The following SCAPER variants were observed in gnomAD, a reference collection of about 807,000 sequenced individuals.
SCAPER encodes S phase cyclin A-associated protein in the endoplasmic reticulum.
In SCAPER, 98 loss-of-function variants were observed where a neutral mutation model predicts 182.2. That is an observed-to-expected ratio of 0.54 (90% CI 0.46 to 0.64). The LOEUF is 0.64. Among genes scored for constraint, SCAPER ranks in the 30% least tolerant of loss-of-function variants. SCAPER has a pLI of 0.00. For missense variants in SCAPER, 1,432 were observed against 1,690.0 expected, an observed-to-expected ratio of 0.85 and a Z score of 2.68; for synonymous variants, 605 against 564.6, an observed-to-expected ratio of 1.07 and a Z score of -1.01.
intron 7 of SCAPER, among the ~76,000 whole-genome samples, chr15:76,799,087 G>A (rs527556333): frequency 1.3e-5 from 2 of 152,196 alleles, no homozygotes; most frequent in African/African-American, 4.8e-5. Flanking sequence ...ACTGTGTTGA[G>A]CTTGTAATAT....
intron 24 of SCAPER, among the ~76,000 whole-genome samples, chr15:76,487,492 CA>C (rs1051511123): frequency 2.6e-5 from 4 of 152,126 alleles, no homozygotes; most frequent in Non-Finnish European, 5.9e-5. Context: ...CTAGAAAAGG[CA>C]AAGAGTGAAC....
At chr15:76,718,783 T>C (rs1268648087) in intron 17 of SCAPER, among the ~76,000 whole-genome samples, 1 of 152,090 alleles carries the variant, frequency 6.6e-6, no homozygotes, top group Non-Finnish European at 1.5e-5. Flanking sequence ...GAAGTCATAG[T>C]CAGTAGATAT....
chr15:76,621,437 G>C (rs1370759273), intron 22 of SCAPER, among the ~76,000 whole-genome samples: 1 of 151,784 alleles, frequency 6.6e-6, no homozygotes, highest in African/African-American at 2.4e-5. Flanking sequence ...GTTAGAACAG[G>C]GATTCTCAAC....
chr15:76,560,228 T>C (rs533966110), intron 23 of SCAPER, among the ~76,000 whole-genome samples: 1 of 152,290 alleles, frequency 6.6e-6, no homozygotes, highest in African/African-American at 2.4e-5. Flanking sequence ...AGTACCCTTG[T>C]GAAGGAGGTT....
At chr15:76,808,676 A>G (rs2066369282) in intron 5 of SCAPER, among the ~76,000 whole-genome samples, 1 of 152,256 alleles carries the variant, frequency 6.6e-6, no homozygotes, top group South Asian at 2.1e-4. Context: ...TTCTGGGACC[A>G]TAAATGTGCA....
rs1471936013 is a variant in SCAPER, at chr15:76,841,782, A to T, written c.345T>A (p.Asp115Glu). ...FLFDNLRRAV[D>E]EIYVTCESDQ... ...CTGATTCGCAAGTTACATAGATTTCATCTACTGCTCGGCGAAGATTATCAA... is the reference window on the plus strand; with the variant it reads ...CTGATTCGCAAGTTACATAGATTTCTTCTACTGCTCGGCGAAGATTATCAA... The change falls in exon 5 of 32, where the codon GAT becomes GAA. Residue 115 changes from aspartate to glutamate, a missense_variant. This residue lies in a region of SCAPER where 480 missense variants were observed against 510.2 expected (regional missense o/e 0.94). Transcript: ENST00000563290. 6.2e-7 allele frequency: 1 copy of T among 1,613,806 alleles called. No individual in the cohort carries two copies. The highest frequency in any genetic ancestry group is 1.3e-5 in the African/African-American group (1 of 74,936).
chr15:76,427,213 C>T (rs892548122), intron 26 of SCAPER, among the ~76,000 whole-genome samples: 2 of 152,066 alleles, frequency 1.3e-5, no homozygotes, highest in African/African-American at 4.8e-5. Flanking sequence ...AAAAAATAGA[C>T]AAAGGGGATT....
chr15:76,651,256 G>A lies in SCAPER; in HGVS notation c.2645+14397C>T, dbSNP rs866682219. ...ATAAATTCTAGACCAGAGATCGGGG[G>A]GAACGAAGGAAGAAAAGACAAATTA... On this transcript the variant is annotated intron_variant, in intron 21 of 31. Transcript: ENST00000563290. Among the ~76,000 whole-genome samples, 21 of 152,072 alleles carry A rather than the reference G, an allele frequency of 1.4e-4. No homozygotes were observed. In the Middle Eastern group the frequency reaches 0.024, roughly 172 times the overall value.
intron 5 of SCAPER, among the ~76,000 whole-genome samples, chr15:76,822,266 G>T (rs1352632292): frequency 2.0e-5 from 3 of 152,060 alleles, no homozygotes; most frequent in African/African-American, 7.2e-5. Flanking sequence ...GGGGGCAGGG[G>T]TTATATGGAA....
chr15:76,713,800 A>G (rs996161314), intron 17 of SCAPER, among the ~76,000 whole-genome samples: 2 of 152,174 alleles, frequency 1.3e-5, no homozygotes. Context: ...TAAATTTTAA[A>G]AAAAGTAAAG....
Position 76,592,703 on chromosome 15 carries a change from T to C in SCAPER, c.2712-18419A>G. 1.6e-5 allele frequency among the ~76,000 whole-genome samples: 2 copies of C among 122,598 alleles called. 1 individual carries two copies. Among genetic ancestry groups the C allele is most frequent in the Non-Finnish European group, 4.0e-5 (2 of 50,262 alleles). 80.4% of individuals were successfully genotyped at this position (122,598 alleles called of 152,430 possible). A position where few individuals can be genotyped will look rare whatever the true frequency, so the allele number is the denominator to read the frequency against. ...AAGCAGGGTGAGGTGTTGCCTCACC[T>C]GGGACGCGCAAGGGTTTGGGGAACT... is the stretch of plus-strand genomic sequence containing the variant. On this transcript the variant is annotated intron_variant, in intron 22 of 31. Transcript: ENST00000563290.
chr15:76,768,563 G>A (rs1598613505), intron 10 of SCAPER, among the ~76,000 whole-genome samples: 1 of 151,992 alleles, frequency 6.6e-6, no homozygotes, highest in African/African-American at 2.4e-5. Flanking sequence ...ATGGGCACTG[G>A]GTTTTCTTTT....
At chr15:76,574,883 C>T (rs570614508) in intron 22 of SCAPER, among the ~76,000 whole-genome samples, 12 of 152,180 alleles carry the variant, frequency 7.9e-5, no homozygotes, top group African/African-American at 2.9e-4. Flanking sequence ...TACCTGGTAC[C>T]TCACTCTTGG....
chr15:76,538,168 G>C (rs1195554422), intron 23 of SCAPER, among the ~76,000 whole-genome samples: 1 of 140,278 alleles, frequency 7.1e-6, no homozygotes, highest in Non-Finnish European at 1.6e-5. Context: ...CGATTCCTCA[G>C]GGATCTAGAA....
chr15:76,657,601 AAAG>A (rs1383003427), intron 21 of SCAPER, among the ~76,000 whole-genome samples: 28 of 149,286 alleles, frequency 1.9e-4, no homozygotes, highest in Admixed American at 4.7e-4. Context: ...AAAAAAAAAA[AAAG>A]AAAGAAAGAA....
intron 26 of SCAPER, among the ~76,000 whole-genome samples, chr15:76,417,923 C>A (rs2045766716): frequency 6.6e-6 from 1 of 152,008 alleles, no homozygotes; most frequent in Admixed American, 6.6e-5. Flanking sequence ...GAGGCTGAGG[C>A]AGGAGAATGG....
At chr15:76,489,158 C>T (rs765472854) in intron 24 of SCAPER, among the ~76,000 whole-genome samples, 2 of 146,412 alleles carry the variant, frequency 1.4e-5, no homozygotes, top group Non-Finnish European at 3.0e-5. Flanking sequence ...TCTGATATTA[C>T]ATTAATTTCC....
chr15:76,428,866 C>CCATATATA (rs1555432006), intron 26 of SCAPER, among the ~76,000 whole-genome samples: 3 of 79,954 alleles, frequency 3.8e-5, no homozygotes, highest in Admixed American at 1.2e-4. Flanking sequence ...GATCATTATA[C>CCATATATA]TATATATATA....
chr15:76,364,493 A>G (rs1346416439), intron 29 of SCAPER, among the ~76,000 whole-genome samples: 1 of 152,186 alleles, frequency 6.6e-6, no homozygotes, highest in East Asian at 1.9e-4. Flanking sequence ...GGCTTTTCTC[A>G]TGTAGTGAGG....
Sources: allele counts gnomAD v4.1 joint callset (sites outside exome capture counted in the v4.1 genomes callset), GRCh38; gene constraint gnomAD v4.1.1; regional missense constraint gnomAD v4.1.1; transcripts MANE v1.5; gene names NCBI Gene and HGNC (gene_info 2026-07-23, HGNC 2026-07-21).